Variants in INPP4B observed in about 807,000 individuals in gnomAD.
INPP4B encodes inositol polyphosphate-4-phosphatase type II B.
In INPP4B, 55 loss-of-function variants were observed where a neutral mutation model predicts 122.5. The ratio of observed to expected loss-of-function variants is 0.45; its 90% CI spans 0.36 to 0.56. The LOEUF (loss-of-function observed/expected upper bound fraction) is 0.56, where lower values mean the gene tolerates loss of function less well. Ranked by LOEUF, INPP4B falls within the 20% of genes least tolerant of loss-of-function variation. The pLI is 0.00. For synonymous variants in INPP4B, 403 were observed against 388.7 expected (o/e 1.04, Z -0.43); for missense variants, 1,000 against 1,097.7 (o/e 0.91, Z 1.26).
chr4:142,580,214 A>T lies in INPP4B; in HGVS notation c.-190-117488T>A, dbSNP rs1221860639. Among the ~76,000 whole-genome samples, 21 of 151,800 alleles carry T rather than the reference A, an allele frequency of 1.4e-4. 1 individual carries two copies. The highest frequency in any genetic ancestry group is 8.8e-5 in the Non-Finnish European group (6 of 67,934). On this transcript the variant is annotated intron_variant, in intron 2 of 25. Transcript: ENST00000262992. ...GGTGGGGAGAAAATACTTGGGTTCA[A>T]ATCCCATCTTTGCCACTTACTAGTT...
rs1737303125 is a variant in INPP4B, at chr4:142,027,302, G to A, written c.*1480C>T. 1 of 152,142 alleles carries A rather than the reference G, an allele frequency of 6.6e-6. No individual in the cohort carries two copies. The highest frequency in any genetic ancestry group is 2.4e-5 in the African/African-American group (1 of 41,436). The allele number at this position is 152,142 out of a possible 1,614,324, so 9.4% of individuals were successfully genotyped here. A position where few individuals can be genotyped will look rare whatever the true frequency, so the allele number is the denominator to read the frequency against. On this transcript the variant is annotated 3_prime_UTR_variant, in exon 26 of 26. Coordinates refer to ENST00000262992, the MANE Select transcript of INPP4B (RefSeq NM_001101669.3). ...TGGGGCTAGAATCCTTATTTCAACA[G>A]GAATCCTAGGCAAGGAGCTATCACA...
intron 3 of INPP4B, among the ~76,000 whole-genome samples, chr4:142,460,345 A>G (rs1215124413): frequency 6.6e-6 from 1 of 152,050 alleles, no homozygotes; most frequent in Non-Finnish European, 1.5e-5. Flanking sequence ...AGATTACAAG[A>G]CTCCTGATGA....
chr4:142,417,083 G>C (rs1344517365), intron 5 of INPP4B, among the ~76,000 whole-genome samples: 2 of 152,078 alleles, frequency 1.3e-5, no homozygotes. Context: ...GGAAAAAAGA[G>C]CATACTTCTC....
chr4:142,438,834 G>A (rs1311794675), intron 3 of INPP4B, among the ~76,000 whole-genome samples: 1 of 152,048 alleles, frequency 6.6e-6, no homozygotes, highest in Non-Finnish European at 1.5e-5. Context: ...GAATTTACAA[G>A]GAACTTAGAC....
intron 1 of INPP4B, among the ~76,000 whole-genome samples, chr4:142,791,713 T>C (rs1207123153): frequency 6.6e-6 from 1 of 152,092 alleles, no homozygotes. Flanking sequence ...GGATCATGAA[T>C]GGCTTCTTTT....
intron 1 of INPP4B, among the ~76,000 whole-genome samples, chr4:142,744,483 T>A (rs942236046): frequency 6.6e-6 from 1 of 151,352 alleles, no homozygotes; most frequent in African/African-American, 2.4e-5. Context: ...ATTAAAGAAA[T>A]CCCCAAACAC....
At chr4:142,397,478 G>C (rs1050830402) in intron 7 of INPP4B, among the ~76,000 whole-genome samples, 2 of 152,110 alleles carry the variant, frequency 1.3e-5, no homozygotes, top group African/African-American at 4.8e-5. Context: ...AAAAATTTTG[G>C]ATATAGGTTT....
At chr4:142,166,649 A>T (rs1156535827) in intron 16 of INPP4B, among the ~76,000 whole-genome samples, 1 of 151,700 alleles carries the variant, frequency 6.6e-6, no homozygotes, top group Non-Finnish European at 1.5e-5. Flanking sequence ...CATCTGACAA[A>T]GGTCTAATAT....
chr4:142,091,913 C>G (rs1779722036), intron 23 of INPP4B, among the ~76,000 whole-genome samples: 1 of 152,174 alleles, frequency 6.6e-6, no homozygotes, highest in African/African-American at 2.4e-5. Context: ...TGGCTGCCTT[C>G]CCAGTCCCTA....
chr4:142,774,978 G>T (rs1157028585), intron 1 of INPP4B, among the ~76,000 whole-genome samples: 1 of 151,856 alleles, frequency 6.6e-6, no homozygotes, highest in Admixed American at 6.6e-5. Context: ...AGTTTCTCAG[G>T]GTTCCTTGTC....
chr4:142,315,542 C>G (rs1478461037), intron 7 of INPP4B, among the ~76,000 whole-genome samples: 2 of 151,964 alleles, frequency 1.3e-5, no homozygotes, highest in East Asian at 3.9e-4. Flanking sequence ...GGGACCCTTT[C>G]AAACTCTTGG....
intron 9 of INPP4B, among the ~76,000 whole-genome samples, chr4:142,293,998 C>A (rs1334971201): frequency 6.6e-6 from 1 of 152,040 alleles, no homozygotes; most frequent in Non-Finnish European, 1.5e-5. Flanking sequence ...AATGTGTACA[C>A]GTGGATACAG....
At chr4:142,054,610 G>A (rs989805141) in intron 25 of INPP4B, among the ~76,000 whole-genome samples, 28 of 151,434 alleles carry the variant, frequency 1.8e-4, no homozygotes, top group African/African-American at 6.8e-4. Flanking sequence ...CTTGTGAACT[G>A]ACTTAATTGT....
intron 11 of INPP4B, among the ~76,000 whole-genome samples, chr4:142,253,465 G>A (rs1733594867): frequency 6.6e-6 from 1 of 152,214 alleles, no homozygotes; most frequent in Non-Finnish European, 1.5e-5. Flanking sequence ...ACTAGGGAGT[G>A]CCAGAGAGTG....
chr4:142,355,237 A>G (rs919095220), intron 7 of INPP4B, among the ~76,000 whole-genome samples: 1 of 152,054 alleles, frequency 6.6e-6, no homozygotes, highest in Non-Finnish European at 1.5e-5. Context: ...GATCAGTTTC[A>G]AAGAGTGGGA....
chr4:142,366,500 T>C (rs1479636594), intron 7 of INPP4B, among the ~76,000 whole-genome samples: 1 of 151,982 alleles, frequency 6.6e-6, no homozygotes, highest in Non-Finnish European at 1.5e-5. Flanking sequence ...ATCACATAAA[T>C]TAAAAAGAAG....
chr4:142,487,533 A>G (rs1821354882), intron 2 of INPP4B, among the ~76,000 whole-genome samples: 1 of 152,160 alleles, frequency 6.6e-6, no homozygotes, highest in Admixed American at 6.6e-5. Context: ...CATTAAATTT[A>G]TATATCAATT....
intron 2 of INPP4B, among the ~76,000 whole-genome samples, chr4:142,582,585 A>C (rs1236289081): frequency 1.3e-5 from 2 of 152,184 alleles, no homozygotes; most frequent in African/African-American, 4.8e-5. Flanking sequence ...CTAGCTATGA[A>C]TAGCAGCTTA....
intron 1 of INPP4B, among the ~76,000 whole-genome samples, chr4:142,787,984 G>C (rs1453966697): frequency 5.9e-5 from 9 of 151,884 alleles, no homozygotes; most frequent in Admixed American, 5.9e-4. Context: ...TTCAGAGGAA[G>C]TGGAGGAAAG....
Sources: allele counts gnomAD v4.1 joint callset (sites outside exome capture counted in the v4.1 genomes callset), GRCh38; gene constraint gnomAD v4.1.1; transcripts MANE v1.5; gene names NCBI Gene and HGNC (gene_info 2026-07-23, HGNC 2026-07-21).